EPHA6: variants seen among roughly 807,000 people sequenced by gnomAD.
The protein encoded by EPHA6 is ephrin type-A receptor 6.
In EPHA6, 50 loss-of-function variants were observed where a neutral mutation model predicts 112.0. The ratio of observed to expected loss-of-function variants is 0.45; its 90% CI spans 0.36 to 0.56. The LOEUF (loss-of-function observed/expected upper bound fraction) is 0.56, where lower values mean the gene tolerates loss of function less well. Ranked by LOEUF, EPHA6 falls within the 20% of genes least tolerant of loss-of-function variation. The pLI is 0.00. For missense variants in EPHA6, 1,280 were observed against 1,417.4 expected (o/e 0.90, Z 1.56); for synonymous variants, 529 against 490.7 (o/e 1.08, Z -1.03).
intron 11 of EPHA6, among the ~76,000 whole-genome samples, chr3:97,585,484 T>C (rs1176052894): frequency 6.6e-6 from 1 of 152,172 alleles, no homozygotes; most frequent in Non-Finnish European, 1.5e-5. Context: ...GTAAAAGCAC[T>C]AAAGAAATAC....
At chr3:96,930,125 C>T (rs1264041193) in intron 2 of EPHA6, among the ~76,000 whole-genome samples, 1 of 152,140 alleles carries the variant, frequency 6.6e-6, no homozygotes, top group East Asian at 1.9e-4. Context: ...TGTATTGTTT[C>T]ATCATAATTC....
At chr3:97,413,010 CT>C (rs1158066365) in intron 6 of EPHA6, among the ~76,000 whole-genome samples, 1 of 151,198 alleles carries the variant, frequency 6.6e-6, no homozygotes, top group Non-Finnish European at 1.5e-5. Flanking sequence ...CTTTGCTTTT[CT>C]TTTTTTTAAG....
intron 5 of EPHA6, among the ~76,000 whole-genome samples, chr3:97,252,134 A>C (rs531980733): frequency 1.3e-5 from 2 of 152,258 alleles, no homozygotes; most frequent in African/African-American, 4.8e-5. Flanking sequence ...AGAACAGAAA[A>C]ATATCAGCCA....
At chr3:97,521,058 T>A (rs1239771807) in intron 10 of EPHA6, among the ~76,000 whole-genome samples, 1 of 152,050 alleles carries the variant, frequency 6.6e-6, no homozygotes, top group African/African-American at 2.4e-5. Context: ...GGTTCTTTTT[T>A]TATAATATCT....
chr3:97,414,191 T>A (rs894580857), intron 6 of EPHA6, among the ~76,000 whole-genome samples: 3 of 152,060 alleles, frequency 2.0e-5, no homozygotes, highest in Non-Finnish European at 4.4e-5. Context: ...GAAAATTAAA[T>A]TGAGAAAGGC....
At chr3:97,435,225 C>G (rs551566117) in intron 6 of EPHA6, among the ~76,000 whole-genome samples, 44 of 151,986 alleles carry the variant, frequency 2.9e-4, no homozygotes, top group South Asian at 6.2e-4. Context: ...TGATTTTAGG[C>G]CTTCATAATA....
At chr3:97,180,345 T>C (rs1031104390) in intron 3 of EPHA6, among the ~76,000 whole-genome samples, 13 of 152,100 alleles carry the variant, frequency 8.5e-5, no homozygotes, top group Non-Finnish European at 1.9e-4. Context: ...TCCTGGAATA[T>C]GGAGCCCCAG....
chr3:97,588,239 T>C (rs1425005566), intron 11 of EPHA6, among the ~76,000 whole-genome samples: 1 of 152,196 alleles, frequency 6.6e-6, no homozygotes, highest in Non-Finnish European at 1.5e-5. Context: ...AACACTAGTA[T>C]GAAGTAAACT....
At chr3:97,168,677 A>G (rs1343533048) in intron 3 of EPHA6, among the ~76,000 whole-genome samples, 3 of 150,592 alleles carry the variant, frequency 2.0e-5, no homozygotes, top group Non-Finnish European at 4.4e-5. Context: ...TTTGCCTTCT[A>G]CTATGATTGT....
chr3:96,880,156 CAAAG>C (rs141554245), intron 2 of EPHA6, among the ~76,000 whole-genome samples: 2,040 of 152,064 alleles, frequency 0.013, 49 homozygotes, highest in African/African-American at 0.045. Context: ...GTTCTCACCT[CAAAG>C]AAAAGATAAA....
rs1275568150 is a variant in EPHA6, at chr3:97,170,531, G to T, written c.1115-55733G>T. 2.6e-5 allele frequency among the ~76,000 whole-genome samples: 4 copies of T among 152,088 alleles called. No individual in the cohort carries two copies. The East Asian group carries it at 5.8e-4, about 22-fold the overall frequency. On this transcript the variant is annotated intron_variant, in intron 3 of 17. Transcript: ENST00000389672. ...GTGGACAGACCACCTGAGGTCAGGAGCTCGAGACCAGCATGGCTACTGTGG... is the reference window on the plus strand; with the variant it reads ...GTGGACAGACCACCTGAGGTCAGGATCTCGAGACCAGCATGGCTACTGTGG...
intron 12 of EPHA6, among the ~76,000 whole-genome samples, chr3:97,593,768 C>T (rs2093564755): frequency 6.6e-6 from 1 of 152,146 alleles, no homozygotes; most frequent in Non-Finnish European, 1.5e-5. Flanking sequence ...TTAATTGAAA[C>T]ATATAAATAT....
chr3:97,541,889 T>C (rs2092860654), intron 11 of EPHA6, among the ~76,000 whole-genome samples: 2 of 151,844 alleles, frequency 1.3e-5, no homozygotes, highest in South Asian at 4.1e-4. Context: ...GATATATATA[T>C]ATAAAGGGGA....
At chr3:97,005,681 C>T (rs2043851243) in intron 3 of EPHA6, among the ~76,000 whole-genome samples, 1 of 152,138 alleles carries the variant, frequency 6.6e-6, no homozygotes, top group Non-Finnish European at 1.5e-5. Context: ...GAGAGGGCAT[C>T]CTTGTCTTGT....
intron 11 of EPHA6, among the ~76,000 whole-genome samples, chr3:97,538,980 T>G (rs533937016): frequency 6.9e-4 from 102 of 148,448 alleles, no homozygotes; most frequent in African/African-American, 2.4e-3. Context: ...ACACTTTCTC[T>G]CTCTTTCTTT....
chr3:97,015,125 G>A (rs1474998957), intron 3 of EPHA6, among the ~76,000 whole-genome samples: 5 of 152,162 alleles, frequency 3.3e-5, no homozygotes, highest in African/African-American at 9.6e-5. Context: ...TAACTCCCTT[G>A]TCATAGAAAA....
intron 6 of EPHA6, among the ~76,000 whole-genome samples, chr3:97,421,658 G>C (rs983500750): frequency 6.6e-6 from 1 of 152,044 alleles, no homozygotes; most frequent in South Asian, 2.1e-4. Flanking sequence ...GAAAAATAGG[G>C]GGCCATGAAT....
At chr3:97,236,848 GA>G (rs2078693533) in intron 4 of EPHA6, among the ~76,000 whole-genome samples, 1 of 152,046 alleles carries the variant, frequency 6.6e-6, no homozygotes. Flanking sequence ...TGGTGGTTGA[GA>G]TGTAGTTGGA....
chr3:96,948,745 A>G (rs898831666), intron 2 of EPHA6, among the ~76,000 whole-genome samples: 9 of 152,152 alleles, frequency 5.9e-5, no homozygotes, highest in Non-Finnish European at 7.4e-5. Flanking sequence ...TCGCAGTTCT[A>G]TTTATCAAAC....
Sources: allele counts gnomAD v4.1 joint callset (sites outside exome capture counted in the v4.1 genomes callset), GRCh38; gene constraint gnomAD v4.1.1; transcripts MANE v1.5; gene names NCBI Gene and HGNC (gene_info 2026-07-23, HGNC 2026-07-21).